The following FNIP1 variants were observed in gnomAD, a reference collection of about 807,000 sequenced individuals.
FNIP1 encodes folliculin-interacting protein 1.
In FNIP1, 40 loss-of-function variants were observed where a neutral mutation model predicts 124.5. The observed-to-expected ratio is 0.32, with a 90% CI of 0.25 to 0.42. The LOEUF (loss-of-function observed/expected upper bound fraction) is 0.42, where lower values mean the gene tolerates loss of function less well. FNIP1 is among the 10% of genes least tolerant of loss of function. The pLI is 1.00. For missense variants in FNIP1, 1,176 were observed against 1,403.7 expected, an observed-to-expected ratio of 0.84 and a Z score of 2.59; for synonymous variants, 472 against 470.6, an observed-to-expected ratio of 1.00 and a Z score of -0.04.
chr5:131,679,789 C>T, intron 11 of FNIP1, among the ~76,000 whole-genome samples: 1 of 152,220 alleles, frequency 6.6e-6, no homozygotes, highest in East Asian at 1.9e-4. Context: ...TCTTAGCTGT[C>T]TCTTGGACTA....
chr5:131,788,357 A>T (rs1231403413), intron 1 of FNIP1, among the ~76,000 whole-genome samples: 1 of 152,038 alleles, frequency 6.6e-6, no homozygotes, highest in African/African-American at 2.4e-5. Context: ...ATTTAAGATA[A>T]TTATTATATT....
intron 16 of FNIP1, 77 bp from the exon 17 acceptor site, chr5:131,647,282 A>C: frequency 8.9e-6 from 9 of 1,007,682 alleles, no homozygotes; most frequent in Non-Finnish European, 1.4e-5. Context: ...CCAAAACATA[A>C]TGTTTTTGAC....
chr5:131,794,450 G>A (rs145138880), intron 1 of FNIP1, among the ~76,000 whole-genome samples: 2 of 151,966 alleles, frequency 1.3e-5, no homozygotes, highest in East Asian at 3.9e-4. Flanking sequence ...ACATGACTCT[G>A]CAACCCCACT....
Position 131,719,172 on chromosome 5 carries a change from G to A in FNIP1, c.456-112C>T, listed in dbSNP as rs1769571827. The A allele has an allele frequency of 7.0e-6, 8 of 1,150,502 alleles. No homozygotes were observed. In the South Asian group the frequency reaches 1.1e-4, roughly 16 times the overall value. 71.3% of individuals were successfully genotyped at this position (1,150,502 alleles called of 1,614,324 possible). A position where few individuals can be genotyped will look rare whatever the true frequency, so the allele number is the denominator to read the frequency against. On this transcript the variant is annotated intron_variant, in intron 4 of 17. Coordinates refer to ENST00000510461, the MANE Select transcript of FNIP1 (RefSeq NM_133372.3). ...GAGGTTTCACAGCATAGCTGCAAGA[G>A]CCATGAAGTAGCATTAAAACCATAG...
At chr5:131,792,702 G>C (rs1772447698) in intron 1 of FNIP1, among the ~76,000 whole-genome samples, 1 of 152,208 alleles carries the variant, frequency 6.6e-6, no homozygotes, top group South Asian at 2.1e-4. Context: ...TCAAAATGCA[G>C]TCGACACTTT....
chr5:131,658,503 C>T (rs1410959964), intron 15 of FNIP1, among the ~76,000 whole-genome samples: 5 of 152,012 alleles, frequency 3.3e-5, no homozygotes, highest in Non-Finnish European at 7.4e-5. Flanking sequence ...CCCTGGCTGC[C>T]TCTACCCACT....
chr5:131,712,058 C>T (rs1769310145), intron 6 of FNIP1, among the ~76,000 whole-genome samples: 4 of 152,120 alleles, frequency 2.6e-5, no homozygotes, highest in Admixed American at 6.5e-5. Context: ...AGATTGGAAC[C>T]CTTTTTTTTC....
At chr5:131,726,062 T>C (rs1769856581) in intron 3 of FNIP1, among the ~76,000 whole-genome samples, 1 of 152,196 alleles carries the variant, frequency 6.6e-6, no homozygotes, top group Non-Finnish European at 1.5e-5. Flanking sequence ...TCGTGGTGGA[T>C]AGGCTTTTTG....
chr5:131,672,843 C>A lies in FNIP1; in HGVS notation c.1601G>T (p.Arg534Met). Residue 534 changes from arginine (R) to methionine (M), a missense_variant, in exon 14 of 18, where the codon AGG becomes ATG. By Grantham distance (91) the Arg-to-Met change is moderately conservative (BLOSUM62 -1). This residue lies in a region of FNIP1 where 1,109 missense variants were observed against 1,288.5 expected (regional missense o/e 0.86). Coordinates refer to ENST00000510461, the MANE Select transcript of FNIP1 (RefSeq NM_133372.3). ...AAAATAAGTAAGAAAATAAAGTAGC[C>A]TCTGGACCATGTCTTGTCGTTTGCC... Reference protein sequence around the residue: ...VVGKRQDMVQRLLYFLTYFIR... With the variant: ...VVGKRQDMVQMLLYFLTYFIR... The A allele has an allele frequency of 6.2e-7, 1 of 1,611,316 alleles. No homozygotes were observed. The highest frequency in any genetic ancestry group is 8.5e-7 in the Non-Finnish European group (1 of 1,179,020).
intron 1 of FNIP1, among the ~76,000 whole-genome samples, chr5:131,756,220 C>T (rs547918231): frequency 6.6e-6 from 1 of 151,930 alleles, no homozygotes; most frequent in East Asian, 1.9e-4. Context: ...CTGAGAAAGA[C>T]AGTATATAAT....
intron 3 of FNIP1, among the ~76,000 whole-genome samples, chr5:131,726,249 G>C (rs551384987): frequency 2.4e-4 from 37 of 152,258 alleles, no homozygotes; most frequent in Admixed American, 2.3e-3. Context: ...CTATTGATTG[G>C]AATAGTTTCA....
chr5:131,690,223 A>AAAAAT (rs1344418970), intron 11 of FNIP1, among the ~76,000 whole-genome samples: 20 of 152,128 alleles, frequency 1.3e-4, no homozygotes, highest in Admixed American at 6.5e-4. Context: ...ACTCCATCTC[A>AAAAAT]AAAATAAAAT....
intron 15 of FNIP1, among the ~76,000 whole-genome samples, chr5:131,653,971 A>ACCTCGCAATCCACCTACCTTGG (rs1211400959): frequency 6.6e-6 from 1 of 152,092 alleles, no homozygotes; most frequent in Non-Finnish European, 1.5e-5. Flanking sequence ...CGAACTCCTG[A>ACCTCGCAATCCACCTACCTTGG]CCTCGCAATC....
chr5:131,752,143 G>C (rs1007166137), intron 1 of FNIP1, among the ~76,000 whole-genome samples: 1 of 151,854 alleles, frequency 6.6e-6, no homozygotes, highest in South Asian at 2.1e-4. Context: ...TCTCCGGTTC[G>C]CGCCATTCTC....
At chr5:131,771,136 G>T (rs1021459507) in intron 1 of FNIP1, among the ~76,000 whole-genome samples, 1 of 151,986 alleles carries the variant, frequency 6.6e-6, no homozygotes, top group African/African-American at 2.4e-5. Context: ...CTGTGACAAA[G>T]ACATAAATTC....
At chr5:131,666,191 A>G (rs1767599641) in intron 15 of FNIP1, among the ~76,000 whole-genome samples, 1 of 152,156 alleles carries the variant, frequency 6.6e-6, no homozygotes, top group Non-Finnish European at 1.5e-5. Context: ...CTGGCCAAAT[A>G]ATTTTTTTAG....
In FNIP1 at chr5:131,722,782, T is replaced by A. The variant is rs192834914; in HGVS notation, c.355-3365A>T. 3.4e-3 allele frequency among the ~76,000 whole-genome samples: 514 copies of A among 152,222 alleles called. 4 individuals carry two copies. Among genetic ancestry groups the A allele is most frequent in the Non-Finnish European group, 5.2e-3 (352 of 68,006 alleles). On this transcript the variant is annotated intron_variant, in intron 3 of 17. Transcript: ENST00000510461. ...CTCACTGCAACCTCCGCCTCCTGGG[T>A]TCAAGCAATTCTCCTGCCTCAGCAT...
At chr5:131,787,931 G>A (rs1455476576) in intron 1 of FNIP1, among the ~76,000 whole-genome samples, 4 of 152,108 alleles carry the variant, frequency 2.6e-5, no homozygotes, top group South Asian at 4.2e-4. Context: ...CTAGGATTGC[G>A]CCACTGAACT....
At chr5:131,752,122 C>A (rs1364760911) in intron 1 of FNIP1, among the ~76,000 whole-genome samples, 1 of 152,292 alleles carries the variant, frequency 6.6e-6, no homozygotes, top group South Asian at 2.1e-4. Flanking sequence ...TGGCTCACTG[C>A]AAGCTCCGCC....
Sources: allele counts gnomAD v4.1 joint callset (sites outside exome capture counted in the v4.1 genomes callset), GRCh38; gene constraint gnomAD v4.1.1; regional missense constraint gnomAD v4.1.1; transcripts MANE v1.5; gene names NCBI Gene and HGNC (gene_info 2026-07-23, HGNC 2026-07-21).